ZNF687: variants seen among roughly 807,000 people sequenced by gnomAD.
The protein encoded by ZNF687 is zinc finger protein 687.
A neutral mutation model predicts 71.8 loss-of-function variants in ZNF687; 13 were observed. The ratio of observed to expected loss-of-function variants is 0.18; its 90% CI spans 0.12 to 0.29. The LOEUF (loss-of-function observed/expected upper bound fraction) is 0.29. Ranked by LOEUF, ZNF687 falls within the 10% of genes least tolerant of loss-of-function variation. The pLI, the probability that ZNF687 is intolerant of heterozygous loss-of-function variation, is 1.00. For synonymous variants in ZNF687, 673 were observed against 641.6 expected (o/e 1.05, Z -0.74); for missense variants, 1,412 against 1,625.6 (o/e 0.87, Z 2.26).
At chr1:151,283,225 G>A (rs1406698556) in intron 1 of ZNF687, 1 of 985,316 alleles carries the variant, frequency 1.0e-6, no homozygotes. Flanking sequence ...AGATGGCAGG[G>A]ACTTAATTCC....
chr1:151,289,704 G>T lies in ZNF687; in HGVS notation c.2661G>T (p.Glu887Asp). Residue 887 changes from glutamate (E) to aspartate (D), a missense_variant, in exon 6 of 9, where the codon GAG becomes GAT. Physicochemically the swap from Glu to Asp is conservative, Grantham distance 45. This residue lies in a region of ZNF687 where 106 missense variants were observed against 146.0 expected (regional missense o/e 0.73). Transcript: ENST00000336715. The stretch of plus-strand genomic sequence containing the variant: ...ACACCCATCAGTCTGGGCGCTTGGA[G>T]GAGACTGCTGGGAAAGGGGCCGGGG... Reference protein sequence around the residue: ...LKNTHQSGRLEETAGKGAGGA... With the variant: ...LKNTHQSGRLDETAGKGAGGA... 6.4e-7 allele frequency: 1 copy of T among 1,564,302 alleles called. No homozygotes were observed. The highest frequency in any genetic ancestry group is 8.7e-7 in the Non-Finnish European group (1 of 1,153,304).
In ZNF687 at chr1:151,291,243, C is replaced by T. The variant is rs751448367; in HGVS notation, c.*34C>T. 16 of 1,556,562 alleles carry T rather than the reference C, an allele frequency of 1.0e-5. No homozygotes were observed. Among genetic ancestry groups the T allele is most frequent in the African/African-American group, 4.1e-5 (3 of 72,954 alleles). ...GCCTGGGACTGACCAGCCCCTTCCT[C>T]TTGGAGCCTGGTTTTCCCTACTGCT... is the stretch of plus-strand genomic sequence containing the variant. On this transcript the variant is annotated 3_prime_UTR_variant, in exon 9 of 9. Transcript: ENST00000336715.
intron 3 of ZNF687, 54 bp from the exon 4 acceptor site, chr1:151,289,041 G>T: frequency 6.3e-7 from 1 of 1,575,114 alleles, no homozygotes; most frequent in Non-Finnish European, 8.7e-7. Flanking sequence ...TGGTCCCGGG[G>T]TGGGCATGGA....
intron 3 of ZNF687, 22 bp downstream of exon 3, chr1:151,288,728 T>C (rs755369256): frequency 6.9e-6 from 11 of 1,595,326 alleles, no homozygotes; most frequent in Admixed American, 6.9e-5. Context: ...CCTTCCTCCA[T>C]AGAACTGTAG....
Position 151,291,321 on chromosome 1 carries a change from C to A in ZNF687, c.*112C>A. 1 of 1,313,832 alleles carries A rather than the reference C, an allele frequency of 7.6e-7. No individual in the cohort carries two copies. Among genetic ancestry groups the A allele is most frequent in the Non-Finnish European group, 1.0e-6 (1 of 978,710 alleles). 81.4% of individuals were successfully genotyped at this position (1,313,832 alleles called of 1,614,324 possible). The stretch of plus-strand genomic sequence containing the variant: ...ATTAACATTAATATTTTGTTAATTC[C>A]TGTCTCTCCAACCTGAAGAAGAAGA... On this transcript the variant is annotated 3_prime_UTR_variant, in exon 9 of 9. Transcript: ENST00000336715.
rs755689576 is a variant in ZNF687, at chr1:151,288,351, G to A, written c.2060G>A (p.Gly687Asp). The A allele has an allele frequency of 3.1e-6, 5 of 1,610,196 alleles. No individual in the cohort carries two copies. In the African/African-American group the frequency reaches 5.3e-5, roughly 17 times the overall value. Residue 687 changes from glycine (G) to aspartate (D), a missense_variant, in exon 2 of 9, where the codon GGC becomes GAC. Gly to Asp is a moderately conservative substitution (Grantham distance 94, BLOSUM62 -1). Transcript: ENST00000336715. ...ECKEQCRDKA[G>D]MAAHFQQLGP... ...AAGGAACAGTGCCGGGACAAGGCTG[G>A]CATGGCAGCTCACTTCCAGCAGCTC...
In ZNF687 at chr1:151,291,488, C is replaced by T; in HGVS notation, c.*279C>T. The T allele has an allele frequency of 2.6e-6, 1 of 382,944 alleles. No individual in the cohort carries two copies. The allele number at this position is 382,944 out of a possible 1,614,324, so 23.7% of individuals were successfully genotyped here. A position where few individuals can be genotyped will look rare whatever the true frequency, so the allele number is the denominator to read the frequency against. Reference sequence around the variant, plus strand: ...CCTGCTGCAGAACCCCCAGTGTGGGCCTGGGGGTGGGAGGATGGGACTTAG... The same window carrying T: ...CCTGCTGCAGAACCCCCAGTGTGGGTCTGGGGGTGGGAGGATGGGACTTAG... On this transcript the variant is annotated 3_prime_UTR_variant, in exon 9 of 9. Coordinates refer to ENST00000336715, the MANE Select transcript of ZNF687 (RefSeq NM_020832.3).
rs1694122875 is a variant in ZNF687, at chr1:151,289,790, C to T, written c.2747C>T (p.Ala916Val). 6.4e-7 allele frequency: 1 copy of T among 1,563,574 alleles called. No individual in the cohort carries two copies. Among genetic ancestry groups the T allele is most frequent in the Non-Finnish European group, 8.7e-7 (1 of 1,153,430 alleles). Reference sequence around the variant, plus strand: ...CTGGCTGTTTCTCAGGGAGGGGCAGCCCCTGCTACTGAGGAGTCGTCTTCA... The same window carrying T: ...CTGGCTGTTTCTCAGGGAGGGGCAGTCCCTGCTACTGAGGAGTCGTCTTCA... ...EELAVSQGGA[A>V]PATEESSSSS... The change falls in exon 6 of 9, where the codon GCC becomes GTC. Residue 916 changes from alanine to valine, a missense_variant. Transcript: ENST00000336715.
chr1:151,288,039 G>A lies in ZNF687; in HGVS notation c.1748G>A (p.Arg583His), dbSNP rs751766903. 6.2e-7 allele frequency: 1 copy of A among 1,614,078 alleles called. No individual in the cohort carries two copies. Among genetic ancestry groups the A allele is most frequent in the Non-Finnish European group, 8.5e-7 (1 of 1,180,024 alleles). ...AAGTGCAGCCTGCTCCTGCATGCACGTGAACACAAGGACAAGGGGCTCGTC... is the reference window on the plus strand; with the variant it reads ...AAGTGCAGCCTGCTCCTGCATGCACATGAACACAAGGACAAGGGGCTCGTC... ...FNKCSLLLHA[R>H]EHKDKGLVMQ... The change falls in exon 2 of 9, where the codon CGT (arginine) becomes CAT (histidine). Residue 583 changes from arginine (R) to histidine (H), a missense_variant. Coordinates refer to ENST00000336715, the MANE Select transcript of ZNF687 (RefSeq NM_020832.3).
chr1:151,287,724 C>CAGCT lies in ZNF687; in HGVS notation c.1435_1438dup (p.Thr480SerfsTer37). ...GTGGTGATGGTGCAACCTTCAAAGA[C>CAGCT]AGCTACTGGGCCAAGTACAGGGGGC... On this transcript the variant is annotated frameshift_variant, in exon 2 of 9. Coordinates refer to ENST00000336715, the MANE Select transcript of ZNF687 (RefSeq NM_020832.3). LOFTEE classifies it high-confidence loss of function. This position sits in a 1 kb window ranked among gnomAD's most constrained non-coding sequence, Gnocchi z 5.0. The CAGCT allele has an allele frequency of 6.2e-7, 1 of 1,613,734 alleles. No individual in the cohort carries two copies. The highest frequency in any genetic ancestry group is 8.5e-7 in the Non-Finnish European group (1 of 1,179,842).
In ZNF687 at chr1:151,289,117, T is replaced by G. The variant is rs1418657739; in HGVS notation, c.2317T>G (p.Phe773Val). 2 of 1,614,164 alleles carry G rather than the reference T, an allele frequency of 1.2e-6. No individual in the cohort carries two copies. The highest frequency in any genetic ancestry group is 1.1e-5 in the South Asian group (1 of 91,090). The change falls in exon 4 of 9, where the codon TTT (phenylalanine) becomes GTT (valine). Residue 773 changes from phenylalanine to valine, a missense_variant. By Grantham distance (50) the Phe-to-Val change is conservative. This residue lies in a region of ZNF687 where 7 missense variants were observed against 25.5 expected (regional missense o/e 0.27). Coordinates refer to ENST00000336715, the MANE Select transcript of ZNF687 (RefSeq NM_020832.3). The part of the protein sequence containing the change: ...GYRCPSCSVV[F>V]GGVNSIKSHI... ...TAGGTGCCCCAGCTGTTCAGTGGTGTTTGGGGGTGTGAACTCCATCAAGTC... is the reference window on the plus strand; with the variant it reads ...TAGGTGCCCCAGCTGTTCAGTGGTGGTTGGGGGTGTGAACTCCATCAAGTC...
chr1:151,288,246 C>T lies in ZNF687; in HGVS notation c.1955C>T (p.Ala652Val), dbSNP rs756434393. The change falls in exon 2 of 9, where the codon GCC becomes GTC. Residue 652 changes from alanine to valine, a missense_variant. By Grantham distance (64) the Ala-to-Val change is moderately conservative. Around this residue, in one of 8 missense-constraint regions of ZNF687, gnomAD observed 207 missense variants for 239.2 expected, o/e 0.87. Coordinates refer to ENST00000336715, the MANE Select transcript of ZNF687 (RefSeq NM_020832.3). The part of the protein sequence containing the change: ...SSAITTVAAE[A>V]PVLPLSTEPP... The stretch of plus-strand genomic sequence containing the variant: ...GCCATTACTACAGTTGCTGCTGAGG[C>T]CCCTGTCCTGCCGCTCTCCACAGAG... 3.1e-6 allele frequency: 5 copies of T among 1,613,592 alleles called. No homozygotes were observed. The South Asian group carries it at 4.4e-5, about 14-fold the overall frequency.
At chr1:151,282,078 A>G (rs587737488), upstream of ZNF687, 10 of 1,285,326 alleles carry the variant, frequency 7.8e-6, no homozygotes, top group African/African-American at 1.5e-4. Flanking sequence ...CAATGGGGAG[A>G]GGTATCTTCA....
chr1:151,291,255 T>C lies in ZNF687; in HGVS notation c.*46T>C. On this transcript the variant is annotated 3_prime_UTR_variant, in exon 9 of 9. Transcript: ENST00000336715. ...CCAGCCCCTTCCTCTTGGAGCCTGGTTTTCCCTACTGCTGCCTGATCCCTC... is the reference window on the plus strand; with the variant it reads ...CCAGCCCCTTCCTCTTGGAGCCTGGCTTTCCCTACTGCTGCCTGATCCCTC... 6.5e-7 allele frequency: 1 copy of C among 1,546,118 alleles called. No homozygotes were observed. The highest frequency in any genetic ancestry group is 8.7e-7 in the Non-Finnish European group (1 of 1,145,938).
At position 151,291,315 on chromosome 1, in the gene ZNF687, T is replaced by C. The variant is rs1694238440; in HGVS notation, c.*106T>C. The C allele has an allele frequency of 1.5e-6, 2 of 1,355,752 alleles. No homozygotes were observed. Among genetic ancestry groups the C allele is most frequent in the Admixed American group, 5.3e-5 (2 of 37,876 alleles). 84.0% of individuals were successfully genotyped at this position (1,355,752 alleles called of 1,614,324 possible). ...GTTTTCATTAACATTAATATTTTGT[T>C]AATTCCTGTCTCTCCAACCTGAAGA... On this transcript the variant is annotated 3_prime_UTR_variant, in exon 9 of 9. Coordinates refer to ENST00000336715, the MANE Select transcript of ZNF687 (RefSeq NM_020832.3).
rs1255622658 is a variant in ZNF687, at chr1:151,289,685, A to G, written c.2642A>G (p.His881Arg). The G allele has an allele frequency of 3.2e-6, 5 of 1,571,552 alleles. No homozygotes were observed. Among genetic ancestry groups the G allele is most frequent in the Non-Finnish European group, 3.5e-6 (4 of 1,156,546 alleles). ...CCTTGTCTCCTCTCACAGAACACCCATCAGTCTGGGCGCTTGGAGGAGACT... is the reference window on the plus strand; with the variant it reads ...CCTTGTCTCCTCTCACAGAACACCCGTCAGTCTGGGCGCTTGGAGGAGACT... ...RTMLEHLKNTHQSGRLEETAG... is the reference protein window; with the variant it reads ...RTMLEHLKNTRQSGRLEETAG... Residue 881 changes from histidine (H) to arginine (R), a missense_variant, in exon 6 of 9, where the codon CAT (histidine) becomes CGT (arginine). Physicochemically the swap from His to Arg is conservative, Grantham distance 29. Coordinates refer to ENST00000336715, the MANE Select transcript of ZNF687 (RefSeq NM_020832.3).
chr1:151,282,384 G>T lies in ZNF687; in HGVS notation c.-29G>T, dbSNP rs1693746976. ...GACCGCCGGGTCTCGGCCCGCACCA[G>T]GAGCGGAACAAGTAAGCGTGCCTGG... On this transcript the variant is annotated 5_prime_UTR_variant, in exon 1 of 9. In the 5' UTR this introduces an upstream ATG that the reference lacks. Transcript: ENST00000336715. 1 of 989,974 alleles carries T rather than the reference G, an allele frequency of 1.0e-6. No homozygotes were observed. The highest frequency in any genetic ancestry group is 5.2e-4 in the Middle Eastern group (1 of 1,924). 61.3% of individuals were successfully genotyped at this position (989,974 alleles called of 1,614,324 possible).
chr1:151,288,878 T>TG (rs977040603), intron 3 of ZNF687, among the ~76,000 whole-genome samples, 172 bp downstream of exon 3: 7 of 152,160 alleles, frequency 4.6e-5, no homozygotes, highest in African/African-American at 1.2e-4. Flanking sequence ...CCCATGGAGA[T>TG]GGGGGGAAGC....
Position 151,291,105 on chromosome 1 carries a change from G to T in ZNF687, c.3610G>T (p.Val1204Phe). The T allele has an allele frequency of 1.9e-6, 3 of 1,613,524 alleles. No homozygotes were observed. Among genetic ancestry groups the T allele is most frequent in the Non-Finnish European group, 2.5e-6 (3 of 1,180,010 alleles). The change falls in exon 9 of 9, where the codon GTC (valine) becomes TTC (phenylalanine). Residue 1204 changes from valine (V) to phenylalanine (F), a missense_variant. This residue lies in a region of ZNF687 where 284 missense variants were observed against 359.2 expected (regional missense o/e 0.79). Transcript: ENST00000336715. ...PASGGPLTCK[V>F]CGKSCDSPLN... ...TTCTGGAGGCCCACTGACCTGTAAG[G>T]TCTGTGGCAAGAGCTGCGACAGCCC...
Sources: gnomAD v4.1 joint callset for allele counts (sites outside exome capture counted in the v4.1 genomes callset) on GRCh38, gnomAD v4.1.1 for gene constraint, gnomAD v4.1.1 regional missense constraint, Gnocchi (gnomAD v3.1) non-coding constraint, MANE v1.5 for transcripts, NCBI Gene and HGNC (gene_info 2026-07-23, HGNC 2026-07-21) for gene names.